Variants in ABLIM1 observed in about 807,000 individuals in gnomAD.
ABLIM1 encodes the protein actin-binding LIM protein 1.
A neutral mutation model predicts 107.0 loss-of-function variants in ABLIM1; 40 were observed. That is an observed-to-expected ratio of 0.37 (90% CI 0.29 to 0.49). ABLIM1 has a LOEUF of 0.49. ABLIM1 is among the 20% of genes least tolerant of loss of function. The probability of loss-of-function intolerance (pLI) is 0.97; values close to 1 mark genes in which losing one functional copy is unlikely to be tolerated. For synonymous variants in ABLIM1, 357 were observed against 357.3 expected (o/e 1.00, Z 0.01); for missense variants, 857 against 1,008.5 (o/e 0.85, Z 2.04).
At chr10:114,787,227 C>T in the ABLIM1 span, among the ~76,000 whole-genome samples, 1 of 152,022 alleles carries the variant, frequency 6.6e-6, no homozygotes, top group East Asian at 2.0e-4. Flanking sequence ...GGCAACCGCC[C>T]TGTCTGAGAA....
the ABLIM1 span, among the ~76,000 whole-genome samples, chr10:114,780,136 AG>A: frequency 6.6e-6 from 1 of 152,212 alleles, no homozygotes; most frequent in Non-Finnish European, 1.5e-5. Flanking sequence ...AGGAAAGCAA[AG>A]GCCTTCTCTC....
At chr10:114,506,655 T>C (rs2061193579) in intron 6 of ABLIM1, among the ~76,000 whole-genome samples, 1 of 152,254 alleles carries the variant, frequency 6.6e-6, no homozygotes, top group Non-Finnish European at 1.5e-5. Context: ...GCAAATTGGC[T>C]TCTTTTGAGA....
intron 10 of ABLIM1, 40 bp downstream of exon 10, chr10:114,472,937 T>C (rs925731356): frequency 2.0e-6 from 3 of 1,471,650 alleles, no homozygotes; most frequent in Non-Finnish European, 2.7e-6. Flanking sequence ...AAAGGGAAGG[T>C]AAATTGTTGT....
chr10:114,694,637 C>T (rs1649432365), intron 1 of ABLIM1, among the ~76,000 whole-genome samples: 1 of 151,904 alleles, frequency 6.6e-6, no homozygotes, highest in African/African-American at 2.4e-5. Context: ...GAAACAGTTC[C>T]TGATTCCTGA....
intron 8 of ABLIM1, among the ~76,000 whole-genome samples, chr10:114,481,356 C>T (rs1489721377): frequency 6.6e-6 from 1 of 150,842 alleles, no homozygotes; most frequent in African/African-American, 2.4e-5. Flanking sequence ...AAGCCATGCT[C>T]TAAGGAGAGA....
intron 6 of ABLIM1, chr10:114,526,653 G>T (rs1246375267): frequency 3.0e-6 from 3 of 985,366 alleles, no homozygotes; most frequent in Non-Finnish European, 3.6e-6. Flanking sequence ...TGCAATGTCC[G>T]CTTTACCTCA....
intron 4 of ABLIM1, among the ~76,000 whole-genome samples, chr10:114,556,880 G>A (rs372649478): frequency 2.6e-4 from 39 of 152,270 alleles, no homozygotes; most frequent in East Asian, 1.5e-3. Context: ...AACACCATGC[G>A]TATGAGGTCA....
At chr10:114,798,218 C>T in the ABLIM1 span, among the ~76,000 whole-genome samples, 2 of 151,922 alleles carry the variant, frequency 1.3e-5, no homozygotes, top group Admixed American at 6.6e-5. Context: ...GTCAGGAGTT[C>T]GAGACCAGCC....
intron 12 of ABLIM1, among the ~76,000 whole-genome samples, chr10:114,464,630 T>C (rs886440856): frequency 5.9e-5 from 9 of 152,318 alleles, no homozygotes; most frequent in African/African-American, 1.9e-4. Flanking sequence ...ATTCAATAAA[T>C]AGCACAAACA....
At chr10:114,597,018 C>A (rs761598422) in intron 2 of ABLIM1, among the ~76,000 whole-genome samples, 4 of 152,160 alleles carry the variant, frequency 2.6e-5, no homozygotes, top group Non-Finnish European at 5.9e-5. Flanking sequence ...GAATGTGCCT[C>A]CTGTGCACTC....
chr10:114,463,433 G>C (rs950057178), intron 12 of ABLIM1, among the ~76,000 whole-genome samples: 1 of 152,042 alleles, frequency 6.6e-6, no homozygotes, highest in Admixed American at 6.6e-5. Context: ...TGGTCACCCG[G>C]ATGGTCTCTG....
intron 6 of ABLIM1, among the ~76,000 whole-genome samples, chr10:114,543,391 T>G (rs2066929677): frequency 6.6e-6 from 1 of 152,212 alleles, no homozygotes; most frequent in South Asian, 2.1e-4. Context: ...TCTAGATATT[T>G]TATATAAATG....
chr10:114,455,206 T>C lies in ABLIM1; in HGVS notation c.1442-1723A>G, dbSNP rs149298209. Among the ~76,000 whole-genome samples, 530 of 152,328 alleles carry C rather than the reference T, an allele frequency of 3.5e-3. 1 individual carries two copies. Among genetic ancestry groups the C allele is most frequent in the Non-Finnish European group, 6.1e-3 (412 of 68,008 alleles). ...TAAATGGGCAGTAAGATATTCCAAA[T>C]ATGGGATCTGTGTCTATTACTGAGT... is the stretch of plus-strand genomic sequence containing the variant. On this transcript the variant is annotated intron_variant, in intron 12 of 22. Transcript: ENST00000533213.
chr10:114,724,718 C>T (rs1267528728), intron 1 of ABLIM1, among the ~76,000 whole-genome samples: 1 of 152,190 alleles, frequency 6.6e-6, no homozygotes, highest in African/African-American at 2.4e-5. Flanking sequence ...CAGCAGGCAC[C>T]TTTCACAAAG....
chr10:114,587,119 C>T (rs577747864), intron 2 of ABLIM1, among the ~76,000 whole-genome samples: 3 of 152,310 alleles, frequency 2.0e-5, no homozygotes, highest in Admixed American at 6.5e-5. Flanking sequence ...GGATACTTTT[C>T]CCAAGCTTTT....
the ABLIM1 span, among the ~76,000 whole-genome samples, chr10:114,787,448 T>C: frequency 7.8e-6 from 1 of 128,362 alleles, no homozygotes; most frequent in African/African-American, 3.0e-5. Context: ...ATCCGGGAGG[T>C]GAGGGGCGCC....
At chr10:114,501,964 C>T (rs1165722622) in intron 6 of ABLIM1, 1 of 152,164 alleles carries the variant, frequency 6.6e-6, no homozygotes, top group African/African-American at 2.4e-5. Context: ...TTTCACTGCC[C>T]TAAAAATCCT....
chr10:114,641,090 T>C (rs2078725694), intron 1 of ABLIM1, among the ~76,000 whole-genome samples: 1 of 151,824 alleles, frequency 6.6e-6, no homozygotes, highest in South Asian at 2.1e-4. Flanking sequence ...AAACTGAAAT[T>C]CAAGTTTTCA....
intron 1 of ABLIM1, among the ~76,000 whole-genome samples, chr10:114,749,191 C>T (rs537153786): frequency 4.7e-4 from 72 of 152,224 alleles, no homozygotes; most frequent in Non-Finnish European, 7.9e-4. Context: ...TATCTCACTT[C>T]GCAGCTTTTC....
Sources: gnomAD v4.1 joint callset for allele counts (sites outside exome capture counted in the v4.1 genomes callset) on GRCh38, gnomAD v4.1.1 for gene constraint, MANE v1.5 for transcripts, NCBI Gene and HGNC (gene_info 2026-07-23, HGNC 2026-07-21) for gene names.